Variants in GALNT10 observed in about 807,000 individuals in gnomAD.
The protein encoded by GALNT10 is GalNAc transferase 10.
In GALNT10, 41 loss-of-function variants were observed where a neutral mutation model predicts 75.0. That is an observed-to-expected ratio of 0.55 (90% CI 0.43 to 0.71). The LOEUF (loss-of-function observed/expected upper bound fraction) is 0.71. Among genes scored for constraint, GALNT10 ranks in the 30% least tolerant of loss-of-function variants. The pLI is 0.00. For synonymous variants in GALNT10, 302 were observed against 313.0 expected, an observed-to-expected ratio of 0.96 and a Z score of 0.37; for missense variants, 727 against 818.5, an observed-to-expected ratio of 0.89 and a Z score of 1.36.
At chr5:154,260,781 G>A (rs570095323) in intron 1 of GALNT10, among the ~76,000 whole-genome samples, 1 of 152,302 alleles carries the variant, frequency 6.6e-6, no homozygotes, top group South Asian at 2.1e-4. Flanking sequence ...GCTCTTTTAA[G>A]TGAATACTAT....
chr5:154,314,854 T>TA (rs536722211), intron 3 of GALNT10, among the ~76,000 whole-genome samples: 244 of 148,598 alleles, frequency 1.6e-3, no homozygotes, highest in African/African-American at 5.6e-3. Flanking sequence ...ATAATTTCCT[T>TA]AAAAAAAAAA....
chr5:154,272,624 C>G (rs1202643352), intron 1 of GALNT10, among the ~76,000 whole-genome samples: 1 of 152,170 alleles, frequency 6.6e-6, no homozygotes, highest in African/African-American at 2.4e-5. Context: ...CTGAACCTTG[C>G]GTTAGCCAGC....
At chr5:154,209,938 A>G (rs765188482) in intron 1 of GALNT10, among the ~76,000 whole-genome samples, 6 of 152,202 alleles carry the variant, frequency 3.9e-5, no homozygotes, top group Non-Finnish European at 7.3e-5. Context: ...TCACAGTAAG[A>G]GAATAAATCA....
chr5:154,310,963 C>T (rs775217609), intron 3 of GALNT10, among the ~76,000 whole-genome samples: 35 of 152,160 alleles, frequency 2.3e-4, no homozygotes, highest in Non-Finnish European at 4.7e-4. Flanking sequence ...CTTCTTTTCT[C>T]TAATTTTTAA....
intron 1 of GALNT10, among the ~76,000 whole-genome samples, chr5:154,199,131 A>C (rs1489575217): frequency 6.6e-6 from 1 of 152,196 alleles, no homozygotes; most frequent in Non-Finnish European, 1.5e-5. Context: ...GCATGCTGGA[A>C]GCTTAGCCTT....
Position 154,225,168 on chromosome 5 carries a change from C to T in GALNT10, c.159+34143C>T, listed in dbSNP as rs557021110. Among the ~76,000 whole-genome samples, 7 of 151,872 alleles carry T rather than the reference C, an allele frequency of 4.6e-5. No homozygotes were observed. In the East Asian group the frequency reaches 1.4e-3, roughly 30 times the overall value. On this transcript the variant is annotated intron_variant, in intron 1 of 11. Coordinates refer to ENST00000297107, the MANE Select transcript of GALNT10 (RefSeq NM_198321.4). ...AGTGTAGTGGCGCAATCTCGGCTCA[C>T]CACAAGCTCCGCCTCTTGGGTTCAC...
intron 1 of GALNT10, among the ~76,000 whole-genome samples, chr5:154,232,216 GTCTTT>G (rs1172491655): frequency 1.3e-5 from 2 of 152,260 alleles, no homozygotes; most frequent in African/African-American, 2.4e-5. Flanking sequence ...ACCTCTCTAG[GTCTTT>G]TCTTTTATTT....
At chr5:154,287,913 T>TGTGTGA (rs1216974853) in intron 1 of GALNT10, among the ~76,000 whole-genome samples, 271 of 148,184 alleles carry the variant, frequency 1.8e-3, no homozygotes, top group African/African-American at 6.0e-3. Flanking sequence ...TGTGTGTGTG[T>TGTGTGA]GAGAGAGAGA....
intron 1 of GALNT10, among the ~76,000 whole-genome samples, chr5:154,246,881 G>A (rs1382916712): frequency 2.6e-5 from 4 of 152,188 alleles, no homozygotes; most frequent in Non-Finnish European, 5.9e-5. Context: ...TGAAGTCCTT[G>A]CCCATGCCTA....
At chr5:154,345,491 G>A (rs954343690) in intron 4 of GALNT10, among the ~76,000 whole-genome samples, 1 of 151,946 alleles carries the variant, frequency 6.6e-6, no homozygotes, top group African/African-American at 2.4e-5. Flanking sequence ...ATTCTGCTCT[G>A]TAACTATGAG....
chr5:154,368,572 A>C (rs1457707451), intron 4 of GALNT10, among the ~76,000 whole-genome samples: 2 of 152,190 alleles, frequency 1.3e-5, no homozygotes, highest in African/African-American at 4.8e-5. Flanking sequence ...GTCAAAGGAA[A>C]ACAAAGGTCC....
At chr5:154,332,269 T>A (rs1754879022) in intron 4 of GALNT10, among the ~76,000 whole-genome samples, 2 of 152,220 alleles carry the variant, frequency 1.3e-5, no homozygotes, top group Non-Finnish European at 2.9e-5. Flanking sequence ...ACGGGCTGCC[T>A]GCTCTGAGCA....
chr5:154,357,442 CCATTAAATGCCTTT>C (rs1208494630), intron 4 of GALNT10, among the ~76,000 whole-genome samples: 1 of 152,006 alleles, frequency 6.6e-6, no homozygotes, highest in African/African-American at 2.4e-5. Flanking sequence ...TTTTTCCAAT[CCATTAAATGCCTTT>C]GGTCTTAGAG....
intron 3 of GALNT10, among the ~76,000 whole-genome samples, chr5:154,300,868 G>A (rs967414296): frequency 9.2e-5 from 14 of 152,186 alleles, no homozygotes; most frequent in African/African-American, 2.9e-4. Flanking sequence ...AAGGCCTTCC[G>A]GAGGGGTGCT....
At chr5:154,337,718 A>G (rs1754966343) in intron 4 of GALNT10, 3 of 1,224,524 alleles carry the variant, frequency 2.4e-6, no homozygotes, top group Non-Finnish European at 3.6e-6. Flanking sequence ...CACCGCCACC[A>G]TATCCACCAC....
chr5:154,290,984 G>A (rs1754186866), intron 1 of GALNT10, among the ~76,000 whole-genome samples: 1 of 152,170 alleles, frequency 6.6e-6, no homozygotes, highest in Non-Finnish European at 1.5e-5. Context: ...TCCTGGTTTA[G>A]GGAAGGTATA....
Position 154,410,377 on chromosome 5 carries a change from CA to C in GALNT10, c.1386+633del, listed in dbSNP as rs58402180. Among the ~76,000 whole-genome samples, 673 of 87,000 alleles carry C rather than the reference CA, an allele frequency of 7.7e-3. 4 individuals carry two copies. The highest frequency in any genetic ancestry group is 0.022 in the African/African-American group (583 of 27,040). The allele number at this position is 87,000 out of a possible 152,430, so 57.1% of individuals were successfully genotyped here. On this transcript the variant is annotated intron_variant, in intron 9 of 11. Coordinates refer to ENST00000297107, the MANE Select transcript of GALNT10 (RefSeq NM_198321.4). ...GAAACATAGGAAGACCCTGTCTCTA[CA>C]AAAAAAAAAAAAAAAAAGAAAAAAT...
chr5:154,410,594 T>C (rs1582019345), intron 9 of GALNT10, among the ~76,000 whole-genome samples: 1 of 152,152 alleles, frequency 6.6e-6, no homozygotes, highest in African/African-American at 2.4e-5. Flanking sequence ...TTCCCTTTCC[T>C]TCATAAGTTC....
chr5:154,414,945 G>A (rs1561688350), intron 10 of GALNT10, among the ~76,000 whole-genome samples: 1 of 152,114 alleles, frequency 6.6e-6, no homozygotes, highest in Non-Finnish European at 1.5e-5. Flanking sequence ...CCAACGTGGT[G>A]AAACCCCTTC....
Sources: allele counts gnomAD v4.1 joint callset (sites outside exome capture counted in the v4.1 genomes callset), GRCh38; gene constraint gnomAD v4.1.1; transcripts MANE v1.5; gene names NCBI Gene and HGNC (gene_info 2026-07-23, HGNC 2026-07-21).